CHST9: variants seen among roughly 807,000 people sequenced by gnomAD.
The protein encoded by CHST9 is carbohydrate sulfotransferase 9, also known as GalNAc-4-sulfotransferase 2.
Under a neutral mutation model 44.4 loss-of-function variants are expected in CHST9, and 41 were observed. The ratio of observed to expected loss-of-function variants is 0.92; its 90% CI spans 0.72 to 1.20. The LOEUF (loss-of-function observed/expected upper bound fraction) is 1.20, where lower values mean the gene tolerates loss of function less well. CHST9 is among the 50% of genes most tolerant of loss of function. The probability of loss-of-function intolerance (pLI) is 0.00; values close to 1 mark genes in which losing one functional copy is unlikely to be tolerated. For missense variants in CHST9, 504 were observed against 516.5 expected (o/e 0.98, Z 0.23); for synonymous variants, 171 against 178.4 (o/e 0.96, Z 0.33).
intron 2 of CHST9, among the ~76,000 whole-genome samples, chr18:27,135,903 C>A (rs1449865226): frequency 6.6e-6 from 1 of 152,220 alleles, no homozygotes; most frequent in African/African-American, 2.4e-5. Context: ...GCAATTCTAA[C>A]AAGTCTCACG....
intron 2 of CHST9, among the ~76,000 whole-genome samples, chr18:27,116,348 C>T (rs995110372): frequency 2.6e-5 from 4 of 152,084 alleles, no homozygotes; most frequent in Non-Finnish European, 4.4e-5. Flanking sequence ...TATCCATTTA[C>T]GCCAGTATTA....
intron 1 of CHST9, among the ~76,000 whole-genome samples, chr18:27,145,575 A>G (rs895896670): frequency 6.6e-6 from 1 of 152,170 alleles, no homozygotes; most frequent in Non-Finnish European, 1.5e-5. Flanking sequence ...GCTTTCTCAA[A>G]TCCAGTTCTC....
At chr18:27,080,072 G>A (rs1007590801) in intron 2 of CHST9, among the ~76,000 whole-genome samples, 4 of 152,214 alleles carry the variant, frequency 2.6e-5, no homozygotes, top group African/African-American at 7.2e-5. Flanking sequence ...TACCACAAAT[G>A]TATAATTGGT....
intron 4 of CHST9, among the ~76,000 whole-genome samples, chr18:27,017,097 T>C (rs911791803): frequency 1.3e-5 from 2 of 152,204 alleles, no homozygotes; most frequent in African/African-American, 4.8e-5. Flanking sequence ...CTGACAATTT[T>C]CAAAACACTC....
At chr18:27,097,221 A>T (rs528803832) in intron 2 of CHST9, among the ~76,000 whole-genome samples, 1 of 151,762 alleles carries the variant, frequency 6.6e-6, no homozygotes, top group East Asian at 1.9e-4. Flanking sequence ...AATTCTTGAG[A>T]AACTAGACAT....
chr18:26,978,226 C>G (rs112925228), intron 4 of CHST9, among the ~76,000 whole-genome samples: 1 of 151,234 alleles, frequency 6.6e-6, no homozygotes, highest in Non-Finnish European at 1.5e-5. Context: ...TTTCTTTTTA[C>G]TCTTCCCAAC....
intron 2 of CHST9, among the ~76,000 whole-genome samples, chr18:27,060,594 T>A (rs555354462): frequency 6.6e-6 from 1 of 152,296 alleles, no homozygotes; most frequent in East Asian, 1.9e-4. Context: ...TTTGGCATTG[T>A]CAGGGAAGGG....
chr18:27,094,958 C>G (rs2058103028), intron 2 of CHST9, among the ~76,000 whole-genome samples: 1 of 152,190 alleles, frequency 6.6e-6, no homozygotes, highest in Non-Finnish European at 1.5e-5. Context: ...TATAGCACAA[C>G]TAAAACCCAC....
intron 4 of CHST9, among the ~76,000 whole-genome samples, chr18:26,983,135 T>C (rs905951852): frequency 1.3e-5 from 2 of 152,172 alleles, no homozygotes; most frequent in African/African-American, 2.4e-5. Context: ...CCAAGCATGG[T>C]AGGTTAGGGG....
At chr18:27,126,214 T>C (rs2058422476) in intron 2 of CHST9, among the ~76,000 whole-genome samples, 1 of 152,202 alleles carries the variant, frequency 6.6e-6, no homozygotes, top group South Asian at 2.1e-4. Context: ...CATGTGCCTC[T>C]GACTAAGAGA....
intron 4 of CHST9, among the ~76,000 whole-genome samples, chr18:26,991,161 T>G (rs1437297344): frequency 6.6e-6 from 1 of 152,158 alleles, no homozygotes; most frequent in African/African-American, 2.4e-5. Flanking sequence ...GGTCACTTCT[T>G]AAGAGGCTAT....
chr18:27,079,267 A>G (rs1230157879), intron 2 of CHST9, among the ~76,000 whole-genome samples: 1 of 152,226 alleles, frequency 6.6e-6, no homozygotes, highest in Non-Finnish European at 1.5e-5. Flanking sequence ...CTAGTAAAAG[A>G]TAAATGGAGG....
chr18:27,030,445 A>G (rs1184753191), intron 3 of CHST9, among the ~76,000 whole-genome samples: 2 of 152,242 alleles, frequency 1.3e-5, no homozygotes, highest in Admixed American at 6.5e-5. Flanking sequence ...ATATGAGTAG[A>G]TGGCTTGTTT....
intron 2 of CHST9, among the ~76,000 whole-genome samples, chr18:27,081,184 AAC>A (rs2057957323): frequency 6.6e-6 from 1 of 152,064 alleles, no homozygotes; most frequent in Non-Finnish European, 1.5e-5. Context: ...AATTAGAAAA[AAC>A]AGTTTGCTGG....
intron 2 of CHST9, among the ~76,000 whole-genome samples, chr18:27,095,117 T>A (rs531637177): frequency 8.5e-5 from 13 of 152,254 alleles, no homozygotes; most frequent in African/African-American, 3.1e-4. Context: ...CCAGGACGTA[T>A]AAAATGTGCA....
chr18:27,112,877 T>A lies in CHST9; in HGVS notation c.121+29812A>T, dbSNP rs557033982. Among the ~76,000 whole-genome samples, 9 of 152,256 alleles carry A rather than the reference T, an allele frequency of 5.9e-5. No individual in the cohort carries two copies. In the South Asian group the frequency reaches 1.9e-3, roughly 32 times the overall value. On this transcript the variant is annotated intron_variant, in intron 2 of 5. Transcript: ENST00000618847. ...ATATGACTTATCTTCTTTCTGGCAA[T>A]TTGCTGCCTATATCTTTTTAAAAAT...
At chr18:27,170,144 C>T (rs547508592) in intron 1 of CHST9, among the ~76,000 whole-genome samples, 26 of 152,144 alleles carry the variant, frequency 1.7e-4, no homozygotes, top group Non-Finnish European at 3.2e-4. Context: ...ATGCTAAATT[C>T]CCTTTTATTT....
At chr18:27,038,567 C>T (rs1050357719) in intron 3 of CHST9, among the ~76,000 whole-genome samples, 1 of 152,110 alleles carries the variant, frequency 6.6e-6, no homozygotes, top group African/African-American at 2.4e-5. Context: ...GCAAGGGCTT[C>T]AGTTCTGCAG....
rs2058245390 is a variant in CHST9 at position 27,108,881 on chromosome 18, A to C, written c.121+33808T>G. Among the ~76,000 whole-genome samples, 3 of 152,206 alleles carry C rather than the reference A, an allele frequency of 2.0e-5. No individual in the cohort carries two copies. In the South Asian group the frequency reaches 6.2e-4, roughly 32 times the overall value. On this transcript the variant is annotated intron_variant, in intron 2 of 5. Coordinates refer to ENST00000618847, the MANE Select transcript of CHST9 (RefSeq NM_031422.6). The stretch of plus-strand genomic sequence containing the variant: ...ACAGGACAGAGGGTGGAGTGAACTG[A>C]AACTTTATTTTTCCTAGAAATTTTA...
Sources: allele counts gnomAD v4.1 joint callset (sites outside exome capture counted in the v4.1 genomes callset), GRCh38; gene constraint gnomAD v4.1.1; transcripts MANE v1.5; gene names NCBI Gene and HGNC (gene_info 2026-07-23, HGNC 2026-07-21).